The following KRABD5 variants were observed in gnomAD, a reference collection of about 807,000 sequenced individuals.
KRABD5 encodes the protein KRAB domain-containing protein 5.
At chr16:31,734,235 C>CTT in the KRABD5 span, among the ~76,000 whole-genome samples, 2 of 139,088 alleles carry the variant, frequency 1.4e-5, no homozygotes, top group African/African-American at 2.6e-5. Flanking sequence ...TCTCTTCTAA[C>CTT]TTTTTTTTTT....
the KRABD5 span, among the ~76,000 whole-genome samples, chr16:31,745,550 G>A: frequency 6.6e-6 from 1 of 152,052 alleles, no homozygotes; most frequent in Non-Finnish European, 1.5e-5. Flanking sequence ...TTATGTGGTT[G>A]ATTTTAGAAT....
At chr16:31,753,139 A>T in the KRABD5 span, among the ~76,000 whole-genome samples, 1 of 152,114 alleles carries the variant, frequency 6.6e-6, no homozygotes, top group South Asian at 2.1e-4. Context: ...TCATTCTGGG[A>T]GATTCTTCAT....
chr16:31,718,237 T>C, the KRABD5 span, among the ~76,000 whole-genome samples: 2 of 152,140 alleles, frequency 1.3e-5, no homozygotes, highest in African/African-American at 4.8e-5. Context: ...CCTGAGGGGC[T>C]GTCTCCTCTA....
the KRABD5 span, among the ~76,000 whole-genome samples, chr16:31,727,851 CTTTT>C: frequency 3.9e-5 from 6 of 151,990 alleles, no homozygotes; most frequent in East Asian, 1.2e-3. Flanking sequence ...ATCCTTCTTT[CTTTT>C]ATGTATTTAT....
the KRABD5 span, among the ~76,000 whole-genome samples, chr16:31,735,704 A>G: frequency 1.3e-5 from 2 of 152,106 alleles, no homozygotes; most frequent in South Asian, 2.1e-4. Flanking sequence ...CCTTTTGGCC[A>G]TTTGTATGTC....
the KRABD5 span, among the ~76,000 whole-genome samples, chr16:31,750,554 A>T: frequency 6.6e-6 from 1 of 151,972 alleles, no homozygotes; most frequent in Non-Finnish European, 1.5e-5. Context: ...TAGTACTTCC[A>T]TTACTATGTT....
the KRABD5 span, chr16:31,761,452 A>G: frequency 1.3e-5 from 2 of 152,142 alleles, no homozygotes; most frequent in Admixed American, 6.5e-5. Flanking sequence ...GTGAACCTAT[A>G]CATTGTCTGG....
the KRABD5 span, among the ~76,000 whole-genome samples, chr16:31,745,345 A>G: frequency 6.6e-6 from 1 of 152,272 alleles, no homozygotes; most frequent in African/African-American, 2.4e-5. Context: ...GTGTCAAAGA[A>G]CTTCTTGATT....
At chr16:31,717,362 A>G in the KRABD5 span, among the ~76,000 whole-genome samples, 3 of 152,232 alleles carry the variant, frequency 2.0e-5, no homozygotes, top group African/African-American at 7.2e-5. Flanking sequence ...TATAGGTAGC[A>G]AAGAAGATAG....
chr16:31,757,841 G>GATA, the KRABD5 span: 6 of 144,248 alleles, frequency 4.2e-5, no homozygotes, highest in East Asian at 2.0e-4. Flanking sequence ...TAGGTAGGTA[G>GATA]GTAGGTAGGT....
At chr16:31,758,635 ATGG>A in the KRABD5 span, 3 of 151,942 alleles carry the variant, frequency 2.0e-5, no homozygotes, top group African/African-American at 4.8e-5. Context: ...TTAGTCGGGC[ATGG>A]TGGTGGGTAC....
At chr16:31,731,848 G>A in the KRABD5 span, among the ~76,000 whole-genome samples, 1 of 152,184 alleles carries the variant, frequency 6.6e-6, no homozygotes, top group African/African-American at 2.4e-5. Context: ...ATTTGGGTCA[G>A]TGTTGACAGT....
the KRABD5 span, among the ~76,000 whole-genome samples, chr16:31,720,611 C>T: frequency 6.6e-6 from 1 of 152,104 alleles, no homozygotes; most frequent in Non-Finnish European, 1.5e-5. Flanking sequence ...TTACTTTTTT[C>T]CCCCACTAAT....
At chr16:31,739,819 C>T in the KRABD5 span, among the ~76,000 whole-genome samples, 2 of 152,142 alleles carry the variant, frequency 1.3e-5, no homozygotes, top group Non-Finnish European at 2.9e-5. Context: ...GTGGGTTTAC[C>T]GGAATGAGGG....
At chr16:31,718,572 C>T in the KRABD5 span, among the ~76,000 whole-genome samples, 1 of 152,166 alleles carries the variant, frequency 6.6e-6, no homozygotes, top group Admixed American at 6.5e-5. Context: ...GAGGGCAGGG[C>T]CACAACTGTC....
the KRABD5 span, among the ~76,000 whole-genome samples, chr16:31,737,089 G>A: frequency 2.6e-5 from 4 of 152,108 alleles, no homozygotes; most frequent in Non-Finnish European, 4.4e-5. Context: ...ACAAACCAGT[G>A]TTAATATATC....
chr16:31,722,784 A>G, the KRABD5 span: 4 of 1,545,308 alleles, frequency 2.6e-6, no homozygotes, highest in Non-Finnish European at 3.5e-6. Flanking sequence ...AATATCTAAT[A>G]TCTAATAACT....
At chr16:31,736,302 G>A in the KRABD5 span, among the ~76,000 whole-genome samples, 2 of 151,864 alleles carry the variant, frequency 1.3e-5, no homozygotes, top group African/African-American at 2.4e-5. Flanking sequence ...CTGTAGCTTT[G>A]TAGTAAATTT....
the KRABD5 span, chr16:31,754,052 T>TA: frequency 1.1e-6 from 1 of 945,172 alleles, no homozygotes; most frequent in Non-Finnish European, 1.7e-6. Context: ...TTTCTGTAAG[T>TA]AAGTGTCAAC....
Sources: allele counts gnomAD v4.1 joint callset (sites outside exome capture counted in the v4.1 genomes callset), GRCh38; gene constraint gnomAD v4.1.1; transcripts MANE v1.5; gene names NCBI Gene and HGNC (gene_info 2026-07-23, HGNC 2026-07-21).